TNK2: variants seen among roughly 807,000 people sequenced by gnomAD.
TNK2 encodes activated CDC42 kinase 1.
A neutral mutation model predicts 101.8 loss-of-function variants in TNK2; 83 were observed. The ratio of observed to expected loss-of-function variants is 0.82; its 90% CI spans 0.68 to 0.98. TNK2 has a LOEUF of 0.98. Among genes scored for constraint, TNK2 ranks in the 50% least tolerant of loss-of-function variants. The pLI, the probability that TNK2 is intolerant of heterozygous loss-of-function variation, is 0.00. For synonymous variants in TNK2, 804 were observed against 633.0 expected, an observed-to-expected ratio of 1.27 and a Z score of -4.06; for missense variants, 1,665 against 1,483.2, an observed-to-expected ratio of 1.12 and a Z score of -2.01.
chr3:195,896,069 C>A (rs1163237300), intron 1 of TNK2: 10 of 455,242 alleles, frequency 2.2e-5, no homozygotes, highest in Admixed American at 1.2e-4. Flanking sequence ...GACTTCAGAG[C>A]GGTGACACGA....
At chr3:195,896,375 A>G in intron 1 of TNK2, 1 of 312,580 alleles carries the variant, frequency 3.2e-6, no homozygotes, top group Non-Finnish European at 6.4e-6. Context: ...AGACCCTGGA[A>G]GGTCACTAGG....
intron 1 of TNK2, chr3:195,896,309 C>A: frequency 3.1e-6 from 1 of 327,030 alleles, no homozygotes; most frequent in Non-Finnish European, 6.1e-6. Context: ...TGGGTTGGGG[C>A]AGAGGAGAGA....
At position 195,867,890 on chromosome 3, in the gene TNK2, C is replaced by G; in HGVS notation, c.2408G>C (p.Gly803Ala). The change falls in exon 13 of 16, where the codon GGC (glycine) becomes GCC (alanine). Residue 803 changes from glycine (G) to alanine (A), a missense_variant. Gly to Ala is a moderately conservative substitution (Grantham distance 60, BLOSUM62 0). Transcript: ENST00000672887. ...TACCAGGGGGCTGGGTGTCCTCGAG[C>G]CTTGAGGGGACAGGGGCTCCCGCGG... The part of the protein sequence containing the change: ...VPPREPLSPQ[G>A]SRTPSPLVPP... 6.5e-7 allele frequency: 1 copy of G among 1,531,170 alleles called. No individual in the cohort carries two copies. Among genetic ancestry groups the G allele is most frequent in the South Asian group, 1.3e-5 (1 of 77,930 alleles). 94.8% of individuals were successfully genotyped at this position (1,531,170 alleles called of 1,614,324 possible).
At position 195,867,606 on chromosome 3, in the gene TNK2, C is replaced by G; in HGVS notation, c.2692G>C (p.Glu898Gln). Residue 898 changes from glutamate to glutamine, a missense_variant, in exon 13 of 16, where the codon GAG (glutamate) becomes CAG (glutamine). Transcript: ENST00000672887. ...GGCACAGGCAGGGGGGTAGGCTCCT[C>G]GGGGCTCTGGGCCTCACGCAGGAAG... is the stretch of plus-strand genomic sequence containing the variant. Reference protein sequence around the residue: ...QRFLREAQSPEEPTPLPVPLL... With the variant: ...QRFLREAQSPQEPTPLPVPLL... The G allele has an allele frequency of 1.3e-6, 2 of 1,596,002 alleles. No homozygotes were observed. Among genetic ancestry groups the G allele is most frequent in the Non-Finnish European group, 1.7e-6 (2 of 1,178,376 alleles).
chr3:195,868,469 T>C lies in TNK2; in HGVS notation c.1829A>G (p.Asp610Gly), dbSNP rs1239863985. Residue 610 changes from aspartate (D) to glycine (G), a missense_variant, in exon 13 of 16, where the codon GAC becomes GGC. Physicochemically the swap from Asp to Gly is moderately conservative, Grantham distance 94. Around this residue, in one of 3 missense-constraint regions of TNK2, gnomAD observed 1,136 missense variants for 894.9 expected, o/e 1.27. Coordinates refer to ENST00000672887, the MANE Select transcript of TNK2 (RefSeq NM_001382273.1). ...CAPSLAQLAM[D>G]ACSLLDETPP... is the part of the protein sequence containing the mutation. Reference sequence around the variant, plus strand: ...GGTCTCGTCCAGCAGGGAGCAGGCGTCCATGGCCAGCTGCGCCAGGGAGGG... The same window carrying C: ...GGTCTCGTCCAGCAGGGAGCAGGCGCCCATGGCCAGCTGCGCCAGGGAGGG... The C allele has an allele frequency of 2.1e-5, 32 of 1,554,900 alleles. No homozygotes were observed. Among genetic ancestry groups the C allele is most frequent in the Non-Finnish European group, 2.8e-5 (32 of 1,162,194 alleles).
intron 11 of TNK2, 183 bp from the exon 12 acceptor site, chr3:195,869,724 G>A (rs531694979): frequency 2.9e-4 from 193 of 655,482 alleles, no homozygotes; most frequent in East Asian, 8.4e-4. Context: ...GGAACACGGC[G>A]GTCCAGTATG....
chr3:195,896,428 C>T lies in TNK2; in HGVS notation c.-18-7822G>A, dbSNP rs1760522286. 4 of 288,306 alleles carry T rather than the reference C, an allele frequency of 1.4e-5. No homozygotes were observed. The Admixed American group carries it at 2.0e-4, about 14-fold the overall frequency. The allele number at this position is 288,306 out of a possible 1,614,324, so 17.9% of individuals were successfully genotyped here. A position where few individuals can be genotyped will look rare whatever the true frequency, so the allele number is the denominator to read the frequency against. ...CCCACTCTCCTCACACAGCCCCTTCCACACCCCAAGCACACCAGGGTAGGT... is the reference window on the plus strand; with the variant it reads ...CCCACTCTCCTCACACAGCCCCTTCTACACCCCAAGCACACCAGGGTAGGT... On this transcript the variant is annotated intron_variant, in intron 1 of 15. Transcript: ENST00000672887.
intron 4 of TNK2, 33 bp downstream of exon 4, chr3:195,884,779 C>T: frequency 6.4e-7 from 1 of 1,573,730 alleles, no homozygotes; most frequent in Non-Finnish European, 8.6e-7. Context: ...GGTCCCATGC[C>T]TCTGCTGCGC....
At chr3:195,898,382 G>A (rs747294964) in intron 1 of TNK2, among the ~76,000 whole-genome samples, 2 of 152,142 alleles carry the variant, frequency 1.3e-5, no homozygotes, top group African/African-American at 4.8e-5. Flanking sequence ...TCTGTAAAGA[G>A]GGGAAAAATG....
intron 1 of TNK2, chr3:195,892,703 C>G: frequency 7.2e-7 from 1 of 1,397,256 alleles, no homozygotes; most frequent in Non-Finnish European, 9.3e-7. Flanking sequence ...CTGGCTGCAG[C>G]CGGGATCCTC....
In TNK2 at chr3:195,868,183, C is replaced by G. The variant is rs7516; in HGVS notation, c.2115G>C (p.Pro705=). ...PPPLEDNLFL[P]PQGGGKPPSS... ...TGGGCGGCTTGCCCCCACCCTGGGG[C>G]GGGAGGAACAGGTTGTCCTCCAGGG... The change falls in exon 13 of 16, where the codon CCG becomes CCC. Residue 705 remains proline (P), a synonymous_variant. Coordinates refer to ENST00000672887, the MANE Select transcript of TNK2 (RefSeq NM_001382273.1). 6.2e-7 allele frequency: 1 copy of G among 1,608,984 alleles called. No homozygotes were observed. Among genetic ancestry groups the G allele is most frequent in the Non-Finnish European group, 8.5e-7 (1 of 1,178,418 alleles).
chr3:195,907,408 C>T (rs1214821923), intron 1 of TNK2, among the ~76,000 whole-genome samples: 2 of 152,220 alleles, frequency 1.3e-5, no homozygotes, highest in Non-Finnish European at 2.9e-5. Flanking sequence ...TGGTTCGGGA[C>T]AGGGGTCTGG....
intron 11 of TNK2, 58 bp downstream of exon 11, chr3:195,870,056 G>A (rs770474260): frequency 1.5e-4 from 191 of 1,302,224 alleles, no homozygotes; most frequent in Non-Finnish European, 1.8e-4. Context: ...TGTGAAGACA[G>A]TGCCCCTTCC....
chr3:195,898,787 G>A (rs1032270509), intron 1 of TNK2, among the ~76,000 whole-genome samples: 8 of 152,146 alleles, frequency 5.3e-5, no homozygotes, highest in African/African-American at 1.4e-4. Context: ...CACCATGTCC[G>A]GATGCCCTTT....
At chr3:195,907,904 C>T (rs1300538040) in intron 1 of TNK2, among the ~76,000 whole-genome samples, 1 of 152,198 alleles carries the variant, frequency 6.6e-6, no homozygotes, top group Non-Finnish European at 1.5e-5. Context: ...TCCCTCCTTC[C>T]GCCCACTAAT....
Position 195,888,396 on chromosome 3 carries a change from CA to C in TNK2, c.163+29del, listed in dbSNP as rs1560529810. The C allele has an allele frequency of 5.0e-6, 8 of 1,604,900 alleles. No homozygotes were observed. The highest frequency in any genetic ancestry group is 6.8e-6 in the Non-Finnish European group (8 of 1,173,922). On this transcript the variant is annotated intron_variant, in intron 2 of 15. Coordinates refer to ENST00000672887, the MANE Select transcript of TNK2 (RefSeq NM_001382273.1). The surrounding 1 kb of genome is among the most constrained non-coding windows in gnomAD (Gnocchi z 5.3). ...GACAGAGGACGGAAAGGGTCAGGGG[CA>C]AGACAAGCCAGGCCAACATCCCACC... is the stretch of plus-strand genomic sequence containing the variant.
Position 195,886,886 on chromosome 3 carries a change from C to A in TNK2, c.234+91G>T. ...GGCAGAACGGCGAGATTCGACCTGC[C>A]GGGGAGCTGGGGAAGGTTCCCAGGA... On this transcript the variant is annotated intron_variant, in intron 3 of 15. Coordinates refer to ENST00000672887, the MANE Select transcript of TNK2 (RefSeq NM_001382273.1). This position sits in a 1 kb window ranked among gnomAD's most constrained non-coding sequence, Gnocchi z 4.2. 7.0e-7 allele frequency: 1 copy of A among 1,423,340 alleles called. No individual in the cohort carries two copies. The highest frequency in any genetic ancestry group is 1.1e-5 in the South Asian group (1 of 87,014). 88.2% of individuals were successfully genotyped at this position (1,423,340 alleles called of 1,614,324 possible). A position where few individuals can be genotyped will look rare whatever the true frequency, so the allele number is the denominator to read the frequency against.
rs1013437761 is a variant in TNK2, at chr3:195,878,907, G to T, written c.1014+142C>A. On this transcript the variant is annotated intron_variant, in intron 7 of 15. Transcript: ENST00000672887. This position sits in a 1 kb window ranked among gnomAD's most constrained non-coding sequence, Gnocchi z 4.7. ...GTGAGAGGAGACACGGGGCGTGGTGGGAGGCACGGGAAGTGGGGGGAGGCA... is the reference window on the plus strand; with the variant it reads ...GTGAGAGGAGACACGGGGCGTGGTGTGAGGCACGGGAAGTGGGGGGAGGCA... 3 of 1,324,322 alleles carry T rather than the reference G, an allele frequency of 2.3e-6. No individual in the cohort carries two copies. The highest frequency in any genetic ancestry group is 3.1e-6 in the Non-Finnish European group (3 of 960,614). The allele number at this position is 1,324,322 out of a possible 1,614,324, so 82.0% of individuals were successfully genotyped here. A position where few individuals can be genotyped will look rare whatever the true frequency, so the allele number is the denominator to read the frequency against.
chr3:195,876,964 G>A (rs1043022221), intron 9 of TNK2, among the ~76,000 whole-genome samples: 1 of 152,202 alleles, frequency 6.6e-6, no homozygotes, highest in Non-Finnish European at 1.5e-5. Flanking sequence ...CTGGGGCTCC[G>A]GCAGCAGCAC....
Sources: gnomAD v4.1 joint callset for allele counts (sites outside exome capture counted in the v4.1 genomes callset) on GRCh38, gnomAD v4.1.1 for gene constraint, gnomAD v4.1.1 regional missense constraint, Gnocchi (gnomAD v3.1) non-coding constraint, MANE v1.5 for transcripts, NCBI Gene and HGNC (gene_info 2026-07-23, HGNC 2026-07-21) for gene names.